The following GPR176 variants were observed in gnomAD, a reference collection of about 807,000 sequenced individuals.
The protein encoded by GPR176 is G-protein coupled receptor 176.
In GPR176, 26 loss-of-function variants were observed where a neutral mutation model predicts 35.4. The observed-to-expected ratio is 0.74, with a 90% CI of 0.54 to 1.02. The LOEUF (loss-of-function observed/expected upper bound fraction) is 1.02, where lower values mean the gene tolerates loss of function less well. GPR176 is among the 50% of genes least tolerant of loss of function. GPR176 has a pLI of 0.00. For synonymous variants in GPR176, 278 were observed against 271.3 expected, an observed-to-expected ratio of 1.02 and a Z score of -0.24; for missense variants, 597 against 665.3, an observed-to-expected ratio of 0.90 and a Z score of 1.13.
At chr15:39,874,676 G>T (rs1566958945) in intron 1 of GPR176, among the ~76,000 whole-genome samples, 1 of 152,162 alleles carries the variant, frequency 6.6e-6, no homozygotes, top group Non-Finnish European at 1.5e-5. Context: ...TGGAGTAATA[G>T]AATGTTTCTT....
At chr15:39,880,645 A>T (rs1385726137) in intron 1 of GPR176, among the ~76,000 whole-genome samples, 1 of 151,760 alleles carries the variant, frequency 6.6e-6, no homozygotes, top group African/African-American at 2.4e-5. Flanking sequence ...CCTAAACTCA[A>T]TCTCTTTCAC....
At chr15:39,893,633 G>A (rs1335476074) in intron 1 of GPR176, among the ~76,000 whole-genome samples, 1 of 152,168 alleles carries the variant, frequency 6.6e-6, no homozygotes, top group Non-Finnish European at 1.5e-5. Context: ...CCTCCCAGAC[G>A]GGGTGGTGGC....
rs1247171584 is a variant in GPR176 at position 39,829,191 on chromosome 15, A to G, written c.173-21933T>C. On this transcript the variant is annotated intron_variant, in intron 1 of 2. Transcript: ENST00000561100. ...CACACTGCCTTCTCATGAAGAGACA[A>G]CACCTCACAACGCAACCCCCAACAC... 3 of 1,530,928 alleles carry G rather than the reference A, an allele frequency of 2.0e-6. No homozygotes were observed. In the African/African-American group the frequency reaches 4.1e-5, roughly 21 times the overall value. 94.8% of individuals were successfully genotyped at this position (1,530,928 alleles called of 1,614,324 possible). A position where few individuals can be genotyped will look rare whatever the true frequency, so the allele number is the denominator to read the frequency against.
rs1479815829 is a variant in GPR176, at chr15:39,800,971, T to C, written c.*161A>G. ...CCCTCAATAAAGAGGACACTGGATT[T>C]TATGTAGATTTCCCTATCATTCAAA... On this transcript the variant is annotated 3_prime_UTR_variant, in exon 3 of 3. Coordinates refer to ENST00000561100, the MANE Select transcript of GPR176 (RefSeq NM_007223.3). The C allele has an allele frequency of 7.7e-6, 5 of 646,098 alleles. No individual in the cohort carries two copies. The highest frequency in any genetic ancestry group is 3.6e-5 in the African/African-American group (2 of 55,138). 40.0% of individuals were successfully genotyped at this position (646,098 alleles called of 1,614,324 possible). A position where few individuals can be genotyped will look rare whatever the true frequency, so the allele number is the denominator to read the frequency against.
rs755905363 is a variant in GPR176 at position 39,859,752 on chromosome 15, TA to T, written c.173-52495del. ...TATGATCCCACTTATATGAGGTACCTAAAGTAGTCAAATTCGTAGAGACAGA... is the reference window on the plus strand; with the variant it reads ...TATGATCCCACTTATATGAGGTACCTAAGTAGTCAAATTCGTAGAGACAGA... On this transcript the variant is annotated intron_variant, in intron 1 of 2. Coordinates refer to ENST00000561100, the MANE Select transcript of GPR176 (RefSeq NM_007223.3). Among the ~76,000 whole-genome samples the T allele has an allele frequency of 3.3e-5, 5 of 152,210 alleles. 1 individual carries two copies. Among genetic ancestry groups the T allele is most frequent in the East Asian group, 1.9e-4 (1 of 5,180 alleles).
intron 2 of GPR176, among the ~76,000 whole-genome samples, chr15:39,806,360 A>T (rs1899188385): frequency 1.3e-5 from 2 of 152,254 alleles, no homozygotes; most frequent in South Asian, 4.1e-4. Flanking sequence ...GCTAGAAAGG[A>T]GAAAGGCAGG....
chr15:39,827,436 CTT>C (rs1900742536), intron 1 of GPR176, among the ~76,000 whole-genome samples: 1 of 152,096 alleles, frequency 6.6e-6, no homozygotes, highest in South Asian at 2.1e-4. Context: ...AGTGTGGAGT[CTT>C]TTGAAAGAGT....
chr15:39,803,311 ACTCTGT>A lies in GPR176; in HGVS notation c.426-1063_426-1058del, dbSNP rs1291864187. Among the ~76,000 whole-genome samples the A allele has an allele frequency of 6.9e-5, 8 of 116,470 alleles. No homozygotes were observed. In the Admixed American group the frequency reaches 7.7e-4, roughly 11 times the overall value. The allele number at this position is 116,470 out of a possible 152,430, so 76.4% of individuals were successfully genotyped here. On this transcript the variant is annotated intron_variant, in intron 2 of 2. Transcript: ENST00000561100. ...TTTTTTTTTTTTGAGATAGAGTCTC[ACTCTGT>A]CGCCCAGGCTGGAGTATAGTGGCAT...
rs528010846 is a variant in GPR176 at position 39,804,991 on chromosome 15, G to A, written c.425+2015C>T. 3.0e-3 allele frequency among the ~76,000 whole-genome samples: 453 copies of A among 152,288 alleles called. 1 individual carries two copies. The highest frequency in any genetic ancestry group is 0.011 in the African/African-American group (441 of 41,576). ...GCACAAGTTTCTTTGTGAGGTAATA[G>A]AAATGTTTTAAAATTATATTGTGAT... On this transcript the variant is annotated intron_variant, in intron 2 of 2. Transcript: ENST00000561100.
In GPR176 at chr15:39,800,964, C is replaced by A; in HGVS notation, c.*168G>T. The A allele has an allele frequency of 1.6e-6, 1 of 630,248 alleles. No homozygotes were observed. The highest frequency in any genetic ancestry group is 2.8e-6 in the Non-Finnish European group (1 of 359,856). The allele number at this position is 630,248 out of a possible 1,614,324, so 39.0% of individuals were successfully genotyped here. On this transcript the variant is annotated 3_prime_UTR_variant, in exon 3 of 3. Transcript: ENST00000561100. ...ATATACTCCCTCAATAAAGAGGACA[C>A]TGGATTTTATGTAGATTTCCCTATC...
At chr15:39,896,390 G>C (rs1173053916) in intron 1 of GPR176, among the ~76,000 whole-genome samples, 1 of 152,160 alleles carries the variant, frequency 6.6e-6, no homozygotes, top group Non-Finnish European at 1.5e-5. Flanking sequence ...TGACAATACT[G>C]TTTATAATGG....
intron 1 of GPR176, among the ~76,000 whole-genome samples, chr15:39,892,612 A>G (rs1441796410): frequency 1.3e-5 from 2 of 152,220 alleles, no homozygotes; most frequent in Admixed American, 6.5e-5. Flanking sequence ...GCCCTTCCTT[A>G]TAAGAAGAGA....
rs78095898 is a variant in GPR176 at position 39,819,816 on chromosome 15, A to G, written c.173-12558T>C. On this transcript the variant is annotated intron_variant, in intron 1 of 2. Coordinates refer to ENST00000561100, the MANE Select transcript of GPR176 (RefSeq NM_007223.3). The stretch of plus-strand genomic sequence containing the variant: ...CGATAATTAGAGGACTAAGAAAGGA[A>G]AGTGAGCCTGATCGTGCTTCAGTCC... 8.6e-3 allele frequency among the ~76,000 whole-genome samples: 1,311 copies of G among 152,312 alleles called. 11 individuals carry two copies. The highest frequency in any genetic ancestry group is 0.014 in the South Asian group (66 of 4,828).
chr15:39,808,305 C>A (rs1899326808), intron 1 of GPR176, among the ~76,000 whole-genome samples: 1 of 152,204 alleles, frequency 6.6e-6, no homozygotes, highest in Admixed American at 6.5e-5. Flanking sequence ...CCGATGCCTG[C>A]TGCCTAATCT....
intron 1 of GPR176, among the ~76,000 whole-genome samples, chr15:39,871,189 T>C (rs1213672709): frequency 6.6e-6 from 1 of 152,156 alleles, no homozygotes; most frequent in Non-Finnish European, 1.5e-5. Flanking sequence ...CTATCTGAAA[T>C]TATATGAAAA....
intron 1 of GPR176, among the ~76,000 whole-genome samples, chr15:39,874,872 T>C (rs546891432): frequency 4.1e-4 from 63 of 152,200 alleles, no homozygotes; most frequent in African/African-American, 1.5e-3. Context: ...GAAGAAACCC[T>C]GTCTCTACTA....
Position 39,920,099 on chromosome 15 carries a change from G to T in GPR176, c.-73C>A. The T allele has an allele frequency of 9.5e-7, 1 of 1,057,938 alleles. No homozygotes were observed. 65.5% of individuals were successfully genotyped at this position (1,057,938 alleles called of 1,614,324 possible). On this transcript the variant is annotated 5_prime_UTR_variant, in exon 1 of 3. Coordinates refer to ENST00000561100, the MANE Select transcript of GPR176 (RefSeq NM_007223.3). ...GCGCGGAGCCTCTCCTCCTCCGGGT[G>T]AGGAGGGACGCGCGGGCGCCTGGCG...
intron 1 of GPR176, among the ~76,000 whole-genome samples, chr15:39,840,988 C>A (rs1287188052): frequency 6.6e-6 from 1 of 152,116 alleles, no homozygotes; most frequent in Non-Finnish European, 1.5e-5. Flanking sequence ...ATTAATGGAA[C>A]CTGAACTTGA....
At chr15:39,812,533 T>C (rs1055698904) in intron 1 of GPR176, among the ~76,000 whole-genome samples, 2 of 152,168 alleles carry the variant, frequency 1.3e-5, no homozygotes, top group South Asian at 2.1e-4. Flanking sequence ...GGCTGCACTA[T>C]TGGCTTCCCT....
Sources: gnomAD v4.1 joint callset for allele counts (sites outside exome capture counted in the v4.1 genomes callset) on GRCh38, gnomAD v4.1.1 for gene constraint, MANE v1.5 for transcripts, NCBI Gene and HGNC (gene_info 2026-07-23, HGNC 2026-07-21) for gene names.